The following PPIG variants were observed in gnomAD, a reference collection of about 807,000 sequenced individuals.
PPIG encodes peptidyl-prolyl cis-trans isomerase G.
In PPIG, 26 loss-of-function variants were observed where a neutral mutation model predicts 87.9. The observed-to-expected ratio is 0.30, with a 90% CI of 0.22 to 0.41. PPIG has a LOEUF of 0.41. Among genes scored for constraint, PPIG ranks in the 10% least tolerant of loss-of-function variants. The probability of loss-of-function intolerance (pLI) is 1.00; values close to 1 mark genes in which losing one functional copy is unlikely to be tolerated. For synonymous variants in PPIG, 308 were observed against 276.5 expected (o/e 1.11, Z -1.13); for missense variants, 722 against 879.4 (o/e 0.82, Z 2.26).
chr2:169,618,845 G>GT (rs1436262670), intron 9 of PPIG, among the ~76,000 whole-genome samples: 9 of 150,836 alleles, frequency 6.0e-5, no homozygotes, highest in African/African-American at 2.2e-4. Context: ...TTTTTAAAGG[G>GT]TTTTTTGTTT....
rs142816170 is a variant in PPIG, at chr2:169,625,389, C to T, written c.548-5385C>T. On this transcript the variant is annotated intron_variant, in intron 9 of 13. Coordinates refer to ENST00000260970, the MANE Select transcript of PPIG (RefSeq NM_004792.3). ...ATGAATTTCCTAGAAATGGAATTGC[C>T]AGTTTGCAGAGGTCATGCATTTGTA... Among the ~76,000 whole-genome samples the T allele has an allele frequency of 1.6e-4, 25 of 152,224 alleles. No individual in the cohort carries two copies. The East Asian group carries it at 4.2e-3, about 26-fold the overall frequency.
At chr2:169,622,527 C>G (rs1331792995) in intron 9 of PPIG, among the ~76,000 whole-genome samples, 1 of 152,208 alleles carries the variant, frequency 6.6e-6, no homozygotes, top group African/African-American at 2.4e-5. Context: ...GTATGTCCCT[C>G]AAACTCATGC....
chr2:169,592,264 A>T (rs1684885507), intron 1 of PPIG, among the ~76,000 whole-genome samples: 3 of 137,302 alleles, frequency 2.2e-5, no homozygotes, highest in South Asian at 2.4e-4. Context: ...AATTGACCAG[A>T]TGTTTGTCTT....
chr2:169,612,886 C>CT (rs1482827681), intron 7 of PPIG, among the ~76,000 whole-genome samples: 2 of 152,132 alleles, frequency 1.3e-5, no homozygotes, highest in South Asian at 2.1e-4. Context: ...TGCTAATACT[C>CT]TGTTTAGCTT....
chr2:169,631,616 T>C, intron 10 of PPIG, 150 bp from the exon 11 acceptor site: 2 of 1,435,650 alleles, frequency 1.4e-6, no homozygotes, highest in Non-Finnish European at 1.8e-6. Flanking sequence ...GTCAGAGGAA[T>C]AGAAGATTTT....
rs1255756441 is a variant in PPIG at position 169,639,690 on chromosome 2, GATTTT to G, written c.*2173_*2177del. ...AAGGAGTTGAGAGGACAATCAACTA[GATTTT>G]ATTTTTAGAATATAAAGAACATTTT... is the stretch of plus-strand genomic sequence containing the variant. On this transcript the variant is annotated 3_prime_UTR_variant, in exon 14 of 14. Transcript: ENST00000260970. 6.6e-6 allele frequency: 1 copy of G among 152,032 alleles called. No homozygotes were observed. The highest frequency in any genetic ancestry group is 1.5e-5 in the Non-Finnish European group (1 of 67,952). 9.4% of individuals were successfully genotyped at this position (152,032 alleles called of 1,614,324 possible).
chr2:169,634,165 A>G (rs565341924), intron 12 of PPIG, among the ~76,000 whole-genome samples: 5 of 151,990 alleles, frequency 3.3e-5, no homozygotes, highest in African/African-American at 7.2e-5. Flanking sequence ...GTCTCAAGCA[A>G]TCCTCCCACC....
At chr2:169,632,376 G>GA (rs1249640999) in intron 11 of PPIG, among the ~76,000 whole-genome samples, 1 of 152,250 alleles carries the variant, frequency 6.6e-6, no homozygotes, top group East Asian at 1.9e-4. Flanking sequence ...TTCAAATCCT[G>GA]AAAAAAGTTT....
intron 1 of PPIG, among the ~76,000 whole-genome samples, chr2:169,587,185 C>T (rs1007948988): frequency 6.6e-6 from 1 of 151,902 alleles, no homozygotes; most frequent in Non-Finnish European, 1.5e-5. Flanking sequence ...CATCCGCCTC[C>T]GCCTCCCAAA....
At chr2:169,617,007 C>G (rs1384695496) in intron 9 of PPIG, among the ~76,000 whole-genome samples, 1 of 151,938 alleles carries the variant, frequency 6.6e-6, no homozygotes, top group Non-Finnish European at 1.5e-5. Flanking sequence ...TTTAATCTAT[C>G]TCTTGAGTTA....
intron 12 of PPIG, 85 bp from the exon 13 acceptor site, chr2:169,636,007 C>G (rs1244238184): frequency 2.9e-6 from 3 of 1,017,054 alleles, no homozygotes; most frequent in Non-Finnish European, 4.2e-6. Context: ...TGACCCTCAC[C>G]CCAGTACTTC....
chr2:169,637,335 A>C lies in PPIG; in HGVS notation c.2077A>C (p.Lys693Gln), dbSNP rs768339709. 22 of 1,606,042 alleles carry C rather than the reference A, an allele frequency of 1.4e-5. No individual in the cohort carries two copies. In the East Asian group the frequency reaches 4.7e-4, roughly 34 times the overall value. ...AGATCAAAGTCCCTTCTCAAAAATA[A>C]AACAAAGCAGTCAGGACAATGAATT... ...DRDQSPFSKI[K>Q]QSSQDNELKS... is the part of the protein sequence containing the mutation. The change falls in exon 14 of 14, where the codon AAA becomes CAA. Residue 693 changes from lysine to glutamine, a missense_variant. Lys to Gln is a moderately conservative substitution (Grantham distance 53). Around this residue, in one of 4 missense-constraint regions of PPIG, gnomAD observed 476 missense variants for 483.1 expected, o/e 0.99. Coordinates refer to ENST00000260970, the MANE Select transcript of PPIG (RefSeq NM_004792.3).
intron 12 of PPIG, among the ~76,000 whole-genome samples, chr2:169,634,112 G>A (rs569718483): frequency 6.6e-6 from 1 of 152,256 alleles, no homozygotes; most frequent in East Asian, 1.9e-4. Flanking sequence ...CCAGGCTGGA[G>A]TGCAGTGGTA....
intron 11 of PPIG, 101 bp downstream of exon 11, chr2:169,632,034 CA>C (rs1686068599): frequency 7.8e-7 from 1 of 1,289,850 alleles, no homozygotes; most frequent in Non-Finnish European, 1.0e-6. Context: ...GACCTTGTCC[CA>C]AGATTGAAAT....
At chr2:169,626,321 A>AT (rs1414314855) in intron 9 of PPIG, among the ~76,000 whole-genome samples, 10 of 151,608 alleles carry the variant, frequency 6.6e-5, no homozygotes, top group East Asian at 1.9e-4. Context: ...ATTTTCTCTC[A>AT]TTTTTTTTCT....
intron 1 of PPIG, among the ~76,000 whole-genome samples, chr2:169,589,370 T>C (rs76073214): frequency 0.1 from 15,199 of 152,254 alleles, 963 homozygotes; most frequent in Middle Eastern, 0.19. Flanking sequence ...ACTTGGCATT[T>C]GTAAATATAC....
At chr2:169,592,390 C>T (rs1312861079) in intron 1 of PPIG, among the ~76,000 whole-genome samples, 1 of 147,320 alleles carries the variant, frequency 6.8e-6, no homozygotes, top group Non-Finnish European at 1.5e-5. Context: ...CTGCAAGCTC[C>T]GCCTCCCGGG....
intron 7 of PPIG, among the ~76,000 whole-genome samples, chr2:169,609,148 A>G (rs1210182493): frequency 3.9e-5 from 6 of 151,916 alleles, no homozygotes; most frequent in Non-Finnish European, 7.4e-5. Context: ...ATTGATTACT[A>G]ATAAATAGGA....
chr2:169,613,805 A>T (rs372985794), intron 7 of PPIG, among the ~76,000 whole-genome samples: 2 of 152,314 alleles, frequency 1.3e-5, no homozygotes, highest in African/African-American at 4.8e-5. Context: ...ATGCACCTAT[A>T]GTCCCAGCTA....
Sources: allele counts gnomAD v4.1 joint callset (sites outside exome capture counted in the v4.1 genomes callset), GRCh38; gene constraint gnomAD v4.1.1; regional missense constraint gnomAD v4.1.1; transcripts MANE v1.5; gene names NCBI Gene and HGNC (gene_info 2026-07-23, HGNC 2026-07-21).